The following TCAF1 variants were observed in gnomAD, a reference collection of about 807,000 sequenced individuals.
TCAF1 encodes TRPM8 channel associated factor 1.
A neutral mutation model predicts 27.3 loss-of-function variants in TCAF1; 4 were observed. That is an observed-to-expected ratio of 0.15 (90% CI 0.07 to 0.34). The LOEUF is 0.34. TCAF1 is among the 10% of genes least tolerant of loss of function. TCAF1 has a pLI of 1.00. For missense variants in TCAF1, 257 were observed against 425.8 expected (o/e 0.60, Z 3.49); for synonymous variants, 105 against 167.1 (o/e 0.63, Z 2.87).
intron 1 of TCAF1, among the ~76,000 whole-genome samples, chr7:143,897,325 A>G (rs957897285): frequency 1.3e-5 from 2 of 151,520 alleles, no homozygotes; most frequent in African/African-American, 4.8e-5. Context: ...GATGACAAGG[A>G]AGACCTTCAT....
At chr7:143,875,493 A>G in intron 2 of TCAF1, among the ~76,000 whole-genome samples, 1 of 152,166 alleles carries the variant, frequency 6.6e-6, no homozygotes, top group African/African-American at 2.4e-5. Flanking sequence ...GATTTAGCAC[A>G]TATAACTTGA....
At chr7:143,895,827 A>G (rs1365307724) in intron 1 of TCAF1, among the ~76,000 whole-genome samples, 1 of 151,160 alleles carries the variant, frequency 6.6e-6, no homozygotes, top group East Asian at 1.9e-4. Context: ...AAAAATTAGG[A>G]ATTATATGCG....
At position 143,876,564 on chromosome 7, in the gene TCAF1, C is replaced by T. The variant is rs754410958; in HGVS notation, c.45G>A (p.Val15=). The change falls in exon 2 of 9, where the codon GTG becomes GTA. Residue 15 remains valine, a synonymous_variant. Transcript: ENST00000479870. ...CATCTTCGGGTACATCCCAGCTTGT[C>T]ACACCATTCATAAGGGCCTCGAAGG... The part of the protein sequence containing the change: ...SAAFEALMNG[V]TSWDVPEDAV... The T allele has an allele frequency of 3.3e-6, 5 of 1,530,662 alleles. No homozygotes were observed. Among genetic ancestry groups the T allele is most frequent in the Admixed American group, 4.3e-5 (2 of 46,738 alleles). The allele number at this position is 1,530,662 out of a possible 1,614,324, so 94.8% of individuals were successfully genotyped here.
At chr7:143,871,340 C>T (rs1318199091) in intron 2 of TCAF1, among the ~76,000 whole-genome samples, 1 of 144,260 alleles carries the variant, frequency 6.9e-6, no homozygotes, top group Non-Finnish European at 1.5e-5. Context: ...TTTGGGACAA[C>T]TTAGCCTTCA....
intron 1 of TCAF1, chr7:143,882,458 A>T (rs946626296): frequency 3.6e-5 from 35 of 985,188 alleles, no homozygotes; most frequent in African/African-American, 5.2e-5. Context: ...AGCACACACA[A>T]ACATCAGATG....
intron 1 of TCAF1, chr7:143,882,894 TCCA>T: frequency 1.0e-6 from 1 of 983,250 alleles, no homozygotes. Flanking sequence ...AGGAGGGGTT[TCCA>T]CGGGAGTCCC....
At chr7:143,888,171 G>A (rs1562970232) in intron 1 of TCAF1, among the ~76,000 whole-genome samples, 1 of 152,104 alleles carries the variant, frequency 6.6e-6, no homozygotes, top group Non-Finnish European at 1.5e-5. Context: ...ACATACTACT[G>A]ATGCAAACAA....
chr7:143,859,981 T>TTATATATTA lies in TCAF1; in HGVS notation c.2167+226_2167+227insTAATATATA, dbSNP rs1811871439. Among the ~76,000 whole-genome samples the TTATATATTA allele has an allele frequency of 1.1e-4, 5 of 43,504 alleles. 1 individual carries two copies. Among genetic ancestry groups the TTATATATTA allele is most frequent in the African/African-American group, 1.8e-4 (2 of 11,054 alleles). 28.5% of individuals were successfully genotyped at this position (43,504 alleles called of 152,430 possible). ...CGGAATATATATTATATAATATATA[T>TTATATATTA]TATATAATATATATTATATAATATA... On this transcript the variant is annotated intron_variant, in intron 6 of 8. Transcript: ENST00000479870.
intron 1 of TCAF1, among the ~76,000 whole-genome samples, chr7:143,886,700 C>CTTTTTTTT (rs11398264): frequency 9.0e-5 from 8 of 89,164 alleles, no homozygotes; most frequent in Non-Finnish European, 1.4e-4. Flanking sequence ...CAAATTTTAC[C>CTTTTTTTT]TTTTTTTTTT....
At chr7:143,900,297 G>T (rs546335305) in intron 1 of TCAF1, among the ~76,000 whole-genome samples, 5 of 152,014 alleles carry the variant, frequency 3.3e-5, no homozygotes, top group Admixed American at 1.3e-4. Context: ...AATATAAAAT[G>T]GCAAAAATAA....
chr7:143,884,340 C>T (rs1813274568), intron 1 of TCAF1, among the ~76,000 whole-genome samples: 1 of 152,138 alleles, frequency 6.6e-6, no homozygotes, highest in Admixed American at 6.5e-5. Context: ...GATAGGTGAG[C>T]TCCGCGGCAG....
At chr7:143,883,500 CTTTTTTTTTTTTTT>C (rs374825743) in intron 1 of TCAF1, among the ~76,000 whole-genome samples, 2 of 98,092 alleles carry the variant, frequency 2.0e-5, no homozygotes, top group Admixed American at 1.2e-4. Context: ...TTTCCTTTTT[CTTTTTTTTTTTTTT>C]TTTTTTTTTG....
intron 1 of TCAF1, among the ~76,000 whole-genome samples, chr7:143,888,747 A>G (rs2116843950): frequency 6.6e-6 from 1 of 152,368 alleles, no homozygotes; most frequent in East Asian, 1.9e-4. Flanking sequence ...TTTCTAGGAC[A>G]AAAATTCACA....
intron 1 of TCAF1, among the ~76,000 whole-genome samples, chr7:143,880,746 C>T (rs984719743): frequency 1.3e-5 from 2 of 152,174 alleles, no homozygotes; most frequent in Non-Finnish European, 2.9e-5. Flanking sequence ...ATTTCCTCCT[C>T]TATGGGGGTC....
intron 6 of TCAF1, among the ~76,000 whole-genome samples, chr7:143,859,905 T>C (rs10952564): frequency 1.8e-5 from 1 of 55,626 alleles, no homozygotes; most frequent in Non-Finnish European, 3.3e-5. Context: ...TATTATATAA[T>C]ATATATTACG....
At chr7:143,854,454 T>C (rs2116669119) in intron 8 of TCAF1, among the ~76,000 whole-genome samples, 1 of 152,118 alleles carries the variant, frequency 6.6e-6, no homozygotes, top group South Asian at 2.1e-4. Flanking sequence ...AAAGAATAAC[T>C]GAAACTTGAG....
intron 1 of TCAF1, among the ~76,000 whole-genome samples, chr7:143,891,594 A>G (rs1813639011): frequency 1.3e-5 from 2 of 152,162 alleles, no homozygotes; most frequent in African/African-American, 4.8e-5. Context: ...GAAAGAAAAC[A>G]TGATACACAA....
At chr7:143,882,953 G>A in intron 1 of TCAF1, 1 of 862,290 alleles carries the variant, frequency 1.2e-6, no homozygotes, top group Non-Finnish European at 1.4e-6. Context: ...TCCAGGGGGC[G>A]GCGCTTGGCG....
In TCAF1 at chr7:143,851,597, GACTT is replaced by G. The variant is rs1422629139; in HGVS notation, c.*2532_*2535del. ...TAATATGTTTGAGCAATAATTTCTT[GACTT>G]ACTGACTTTACAACATCTTTAATAA... is the stretch of plus-strand genomic sequence containing the variant. On this transcript the variant is annotated 3_prime_UTR_variant, in exon 9 of 9. Transcript: ENST00000479870. The G allele has an allele frequency of 2.0e-5, 3 of 152,254 alleles. No individual in the cohort carries two copies. The highest frequency in any genetic ancestry group is 2.1e-4 in the South Asian group (1 of 4,836). The allele number at this position is 152,254 out of a possible 1,614,324, so 9.4% of individuals were successfully genotyped here.
Sources: gnomAD v4.1 joint callset for allele counts (sites outside exome capture counted in the v4.1 genomes callset) on GRCh38, gnomAD v4.1.1 for gene constraint, MANE v1.5 for transcripts, NCBI Gene and HGNC (gene_info 2026-07-23, HGNC 2026-07-21) for gene names.